TMUB2: variants seen among roughly 807,000 people sequenced by gnomAD.
TMUB2 encodes transmembrane and ubiquitin like domain containing 2.
TMUB2 carries 19 observed loss-of-function variants against 20.2 expected under a neutral mutation model. The observed-to-expected ratio is 0.94, with a 90% CI of 0.66 to 1.38. The LOEUF is 1.38. Ranked by LOEUF, TMUB2 falls within the 40% of genes most tolerant of loss-of-function variation. TMUB2 has a pLI of 0.00. For missense variants in TMUB2, 426 were observed against 402.5 expected, an observed-to-expected ratio of 1.06 and a Z score of -0.50; for synonymous variants, 186 against 166.0, an observed-to-expected ratio of 1.12 and a Z score of -0.92.
At position 44,191,032 on chromosome 17, in the gene TMUB2, C is replaced by G. The variant is rs2055499586; in HGVS notation, c.*168C>G. ...GTATGCGGCCTCCCCTTCTCATCCA[C>G]AGGAGTACAGATGTCCCTCCCGTGC... On this transcript the variant is annotated 3_prime_UTR_variant, in exon 4 of 4. Coordinates refer to ENST00000538716, the MANE Select transcript of TMUB2 (RefSeq NM_001076674.3). 1.4e-6 allele frequency: 2 copies of G among 1,443,348 alleles called. No homozygotes were observed. Among genetic ancestry groups the G allele is most frequent in the Admixed American group, 5.7e-5 (2 of 34,828 alleles). 89.4% of individuals were successfully genotyped at this position (1,443,348 alleles called of 1,614,324 possible). A position where few individuals can be genotyped will look rare whatever the true frequency, so the allele number is the denominator to read the frequency against.
Position 44,187,735 on chromosome 17 carries a change from C to T in TMUB2, c.27C>T (p.Asn9=), listed in dbSNP as rs1235762197. The change falls in exon 2 of 4, where the codon AAC becomes AAT. Residue 9 remains asparagine, a synonymous_variant. Transcript: ENST00000538716. ...TGATTTCACGTCATCTTCAAAACAA[C>T]CTCATGAGGTAGGTACTGTTTTTAA... MISRHLQN[N]LMSVDPASSQ... The T allele has an allele frequency of 4.2e-6, 3 of 718,496 alleles. No individual in the cohort carries two copies. The highest frequency in any genetic ancestry group is 5.4e-5 in the East Asian group (2 of 37,310). The allele number at this position is 718,496 out of a possible 1,614,324, so 44.5% of individuals were successfully genotyped here.
At position 44,189,101 on chromosome 17, in the gene TMUB2, G is replaced by T. The variant is rs1329435374; in HGVS notation, c.115G>T (p.Val39Leu). 13 of 1,614,102 alleles carry T rather than the reference G, an allele frequency of 8.1e-6. No homozygotes were observed. Among genetic ancestry groups the T allele is most frequent in the Non-Finnish European group, 1.0e-5 (12 of 1,180,022 alleles). The stretch of plus-strand genomic sequence containing the variant: ...GGGTGTGGGTAATGAGGTGATGGTG[G>T]TGGCAGGTGTGGTGGTGCTGATTCT... ...IEGVGNEVMV[V>L]AGVVVLILAL... Residue 39 changes from valine (V) to leucine (L), a missense_variant, in exon 3 of 4, where the codon GTG (valine) becomes TTG (leucine). Val to Leu is a conservative substitution (Grantham distance 32). Coordinates refer to ENST00000538716, the MANE Select transcript of TMUB2 (RefSeq NM_001076674.3).
rs768476930 is a variant in TMUB2, at chr17:44,189,317, G to A, written c.331G>A (p.Glu111Lys). ...ATCAGAGGGTAATGATGAGAAGGCT[G>A]AAGAGGCGGGTGAAGGTCGGGGAGA... ...HPSEGNDEKA[E>K]EAGEGRGDST... The change falls in exon 3 of 4, where the codon GAA (glutamate) becomes AAA (lysine). Residue 111 changes from glutamate (E) to lysine (K), a missense_variant. Transcript: ENST00000538716. 5 of 1,591,068 alleles carry A rather than the reference G, an allele frequency of 3.1e-6. No individual in the cohort carries two copies. In the South Asian group the frequency reaches 5.8e-5, roughly 18 times the overall value.
At chr17:44,187,987 G>T in intron 2 of TMUB2, 1 of 537,926 alleles carries the variant, frequency 1.9e-6, no homozygotes, top group Non-Finnish European at 3.3e-6. Context: ...TGTCTACCAG[G>T]AGTCTAATAG....
At position 44,191,262 on chromosome 17, in the gene TMUB2, C is replaced by T. The variant is rs1882676039; in HGVS notation, c.*398C>T. ...CAAGGGCAGCTCAGCATGGCCCCAGCACAACTCCGTAGGGAGCCTGGAGTA... is the reference window on the plus strand; with the variant it reads ...CAAGGGCAGCTCAGCATGGCCCCAGTACAACTCCGTAGGGAGCCTGGAGTA... On this transcript the variant is annotated 3_prime_UTR_variant, in exon 4 of 4. Transcript: ENST00000538716. The T allele has an allele frequency of 9.8e-7, 1 of 1,017,436 alleles. No homozygotes were observed. Among genetic ancestry groups the T allele is most frequent in the African/African-American group, 1.7e-5 (1 of 58,182 alleles). The allele number at this position is 1,017,436 out of a possible 1,614,324, so 63.0% of individuals were successfully genotyped here.
At chr17:44,187,596 C>G in intron 1 of TMUB2, 80 bp from the exon 2 acceptor site, 1 of 701,006 alleles carries the variant, frequency 1.4e-6, no homozygotes. Context: ...TGGTTAATAA[C>G]ATTAACCTTC....
In TMUB2 at chr17:44,189,582, T is replaced by C; in HGVS notation, c.596T>C (p.Leu199Pro). 1 of 1,580,554 alleles carries C rather than the reference T, an allele frequency of 6.3e-7. No individual in the cohort carries two copies. The highest frequency in any genetic ancestry group is 1.3e-5 in the African/African-American group (1 of 74,278). ...VARPEDTVGA[L>P]KSKYFPGQES... ...AGGCCAGAGGATACCGTGGGTGCCC[T>C]GAAGAGGTGAGTGGCCTGGGAAGTG... The change falls in exon 3 of 4, where the codon CTG (leucine) becomes CCG (proline). Residue 199 changes from leucine (L) to proline (P), a missense_variant. Physicochemically the swap from Leu to Pro is moderately conservative, Grantham distance 98. Transcript: ENST00000538716.
At chr17:44,188,942 T>A in intron 2 of TMUB2, 80 bp from the exon 3 acceptor site, 1 of 1,442,252 alleles carries the variant, frequency 6.9e-7, no homozygotes, top group Non-Finnish European at 9.1e-7. Flanking sequence ...CAGGGCTGGG[T>A]CAGTTAGAAC....
intron 2 of TMUB2, 59 bp from the exon 3 acceptor site, chr17:44,188,958 CAAACT>C (rs1489554725): frequency 6.1e-6 from 9 of 1,478,560 alleles, no homozygotes; most frequent in South Asian, 1.4e-5. Flanking sequence ...AGAACCTAAA[CAAACT>C]AGAGACCTGG....
At chr17:44,188,296 G>A (rs2054781981) in intron 2 of TMUB2, among the ~76,000 whole-genome samples, 1 of 152,178 alleles carries the variant, frequency 6.6e-6, no homozygotes, top group African/African-American at 2.4e-5. Context: ...GTGGGCCCAT[G>A]GTGACCCAGG....
At chr17:44,189,697 C>A in intron 3 of TMUB2, 109 bp downstream of exon 3, 1 of 1,068,846 alleles carries the variant, frequency 9.4e-7, no homozygotes, top group Non-Finnish European at 1.3e-6. Context: ...TAAGATCCAG[C>A]CCCTACCAAG....
At position 44,191,214 on chromosome 17, in the gene TMUB2, C is replaced by T. The variant is rs2055528818; in HGVS notation, c.*350C>T. On this transcript the variant is annotated 3_prime_UTR_variant, in exon 4 of 4. Coordinates refer to ENST00000538716, the MANE Select transcript of TMUB2 (RefSeq NM_001076674.3). Reference sequence around the variant, plus strand: ...CTCTTCCCAGTGTCCTGCATGTCTGCCCCCAGCACCCAGGGCTGCCTGCAA... The same window carrying T: ...CTCTTCCCAGTGTCCTGCATGTCTGTCCCCAGCACCCAGGGCTGCCTGCAA... The T allele has an allele frequency of 9.5e-7, 1 of 1,057,790 alleles. No individual in the cohort carries two copies. The highest frequency in any genetic ancestry group is 1.1e-6 in the Non-Finnish European group (1 of 874,340). The allele number at this position is 1,057,790 out of a possible 1,614,324, so 65.5% of individuals were successfully genotyped here.
In TMUB2 at chr17:44,191,589, G is replaced by C. The variant is rs993202064; in HGVS notation, c.*725G>C. Reference sequence around the variant, plus strand: ...CGTAGTCCTCAGGCTGTAAGCAAGAGACAGCACTGGCCCTTGGCCAGCGTC... The same window carrying C: ...CGTAGTCCTCAGGCTGTAAGCAAGACACAGCACTGGCCCTTGGCCAGCGTC... On this transcript the variant is annotated 3_prime_UTR_variant, in exon 4 of 4. Transcript: ENST00000538716. The C allele has an allele frequency of 2.0e-6, 2 of 985,906 alleles. No individual in the cohort carries two copies. The highest frequency in any genetic ancestry group is 2.4e-6 in the Non-Finnish European group (2 of 830,064). 61.1% of individuals were successfully genotyped at this position (985,906 alleles called of 1,614,324 possible). A position where few individuals can be genotyped will look rare whatever the true frequency, so the allele number is the denominator to read the frequency against.
In TMUB2 at chr17:44,189,139, A is replaced by G. The variant is rs1399813285; in HGVS notation, c.153A>G (p.Leu51=). 1 of 1,613,898 alleles carries G rather than the reference A, an allele frequency of 6.2e-7. No homozygotes were observed. Among genetic ancestry groups the G allele is most frequent in the Non-Finnish European group, 8.5e-7 (1 of 1,179,988 alleles). The change falls in exon 3 of 4, where the codon CTA becomes CTG. Residue 51 remains leucine (L), a synonymous_variant. Coordinates refer to ENST00000538716, the MANE Select transcript of TMUB2 (RefSeq NM_001076674.3). Reference sequence around the variant, plus strand: ...TGGTGCTGATTCTAGCCTTGGTCCTAGCTTGGCTCTCTACCTACGTAGCAG... The same window carrying G: ...TGGTGCTGATTCTAGCCTTGGTCCTGGCTTGGCTCTCTACCTACGTAGCAG... The part of the protein sequence containing the change: ...GVVVLILALV[L]AWLSTYVADS...
chr17:44,189,282 T>C lies in TMUB2; in HGVS notation c.296T>C (p.Leu99Pro). The C allele has an allele frequency of 6.2e-7, 1 of 1,602,804 alleles. No homozygotes were observed. Among genetic ancestry groups the C allele is most frequent in the East Asian group, 2.2e-5 (1 of 44,790 alleles). The change falls in exon 3 of 4, where the codon CTC becomes CCC. Residue 99 changes from leucine to proline, a missense_variant. Transcript: ENST00000538716. The stretch of plus-strand genomic sequence containing the variant: ...CAAGGCAACCCCGAGCCAACTGAAC[T>C]CCCCCATCCATCAGAGGGTAATGAT... ...AGQGNPEPTELPHPSEGNDEK... is the reference protein window; with the variant it reads ...AGQGNPEPTEPPHPSEGNDEK...
In TMUB2 at chr17:44,191,789, G is replaced by T. The variant is rs922719485; in HGVS notation, c.*925G>T. 11 of 971,168 alleles carry T rather than the reference G, an allele frequency of 1.1e-5. No individual in the cohort carries two copies. Among genetic ancestry groups the T allele is most frequent in the Non-Finnish European group, 1.3e-5 (11 of 816,700 alleles). 60.2% of individuals were successfully genotyped at this position (971,168 alleles called of 1,614,324 possible). A position where few individuals can be genotyped will look rare whatever the true frequency, so the allele number is the denominator to read the frequency against. On this transcript the variant is annotated 3_prime_UTR_variant, in exon 4 of 4. Transcript: ENST00000538716. ...TGCCCCCAGGAAAATGGTAATGAGA[G>T]TAGGTAGGCCGGGGCTACCAACGGG...
chr17:44,191,766 C>T lies in TMUB2; in HGVS notation c.*902C>T. The stretch of plus-strand genomic sequence containing the variant: ...TGTGACAGAGAATGGCTTTGCGCTG[C>T]CCCCAGGAAAATGGTAATGAGAGTA... On this transcript the variant is annotated 3_prime_UTR_variant, in exon 4 of 4. Transcript: ENST00000538716. 1.1e-5 allele frequency: 11 copies of T among 983,898 alleles called. No homozygotes were observed. Among genetic ancestry groups the T allele is most frequent in the Non-Finnish European group, 1.3e-5 (11 of 828,250 alleles). The allele number at this position is 983,898 out of a possible 1,614,324, so 60.9% of individuals were successfully genotyped here.
At position 44,190,802 on chromosome 17, in the gene TMUB2, GTC is replaced by G; in HGVS notation, c.907_908del (p.Ser303ProfsTer22). 1 of 1,614,212 alleles carries G rather than the reference GTC, an allele frequency of 6.2e-7. No homozygotes were observed. Among genetic ancestry groups the G allele is most frequent in the Non-Finnish European group, 8.5e-7 (1 of 1,180,030 alleles). On this transcript the variant is annotated frameshift_variant, in exon 4 of 4. Coordinates refer to ENST00000538716, the MANE Select transcript of TMUB2 (RefSeq NM_001076674.3). LOFTEE classifies it high-confidence loss of function. ...CCAATTCTTCACAGCACCTGCCACT[GTC>G]TCCCTGGTGGGAGTCACCGTCTTCT... ...YRQFFTAPAT[V>X]SLVGVTVFFS...
chr17:44,189,770 T>TGGGAGGCCG (rs2055099523), intron 3 of TMUB2, 182 bp downstream of exon 3: 2 of 544,688 alleles, frequency 3.7e-6, no homozygotes, highest in Non-Finnish European at 6.2e-6. Flanking sequence ...CCCGGGACTT[T>TGGGAGGCCG]GGGAGGCCGA....
Sources: allele counts gnomAD v4.1 joint callset (sites outside exome capture counted in the v4.1 genomes callset), GRCh38; gene constraint gnomAD v4.1.1; transcripts MANE v1.5; gene names NCBI Gene and HGNC (gene_info 2026-07-23, HGNC 2026-07-21).